GLIPR1L1: variants seen among roughly 807,000 people sequenced by gnomAD.
GLIPR1L1 encodes the protein GLIPR1 like 1.
GLIPR1L1 carries 26 observed loss-of-function variants against 29.9 expected under a neutral mutation model. The ratio of observed to expected loss-of-function variants is 0.87; its 90% CI spans 0.64 to 1.21. The LOEUF (loss-of-function observed/expected upper bound fraction) is 1.21. Ranked by LOEUF, GLIPR1L1 falls within the 50% of genes most tolerant of loss-of-function variation. The pLI is 0.00. For missense variants in GLIPR1L1, 305 were observed against 290.3 expected (o/e 1.05, Z -0.37); for synonymous variants, 77 against 97.5 (o/e 0.79, Z 1.24).
At chr12:75,364,698 A>G (rs1390115095) in intron 4 of GLIPR1L1, 1 of 152,248 alleles carries the variant, frequency 6.6e-6, no homozygotes, top group African/African-American at 2.4e-5. Flanking sequence ...TATAGCAATT[A>G]GCTACACAGA....
At chr12:75,344,309 G>C (rs1037427037) in intron 2 of GLIPR1L1, among the ~76,000 whole-genome samples, 2 of 151,890 alleles carry the variant, frequency 1.3e-5, no homozygotes, top group African/African-American at 4.8e-5. Flanking sequence ...TGATGCTCTT[G>C]TCTTTTTTCT....
chr12:75,358,621 T>C (rs975968464), intron 3 of GLIPR1L1, among the ~76,000 whole-genome samples: 1 of 150,396 alleles, frequency 6.6e-6, no homozygotes, highest in Non-Finnish European at 1.5e-5. Flanking sequence ...AAATTGTATG[T>C]AACATACCAG....
chr12:75,343,765 T>C lies in GLIPR1L1; in HGVS notation c.247T>C (p.Leu83=). ...GTGCAAATTTGAACATAATGACTGT[T>C]TGGATAAATCATATAAATGCTATGC... ...NQCKFEHNDC[L]DKSYKCYAAF... Residue 83 remains leucine, a synonymous_variant, in exon 2 of 6, where the codon TTG becomes CTG. Coordinates refer to ENST00000378695, the MANE Select transcript of GLIPR1L1 (RefSeq NM_001304964.2). 5 of 1,613,076 alleles carry C rather than the reference T, an allele frequency of 3.1e-6. No individual in the cohort carries two copies. Among genetic ancestry groups the C allele is most frequent in the Non-Finnish European group, 3.4e-6 (4 of 1,179,204 alleles).
At chr12:75,369,209 A>G (rs931593238) in intron 4 of GLIPR1L1, among the ~76,000 whole-genome samples, 1 of 151,964 alleles carries the variant, frequency 6.6e-6, no homozygotes, top group Non-Finnish European at 1.5e-5. Context: ...TAATTTTTCA[A>G]TACATTTTAG....
intron 2 of GLIPR1L1, among the ~76,000 whole-genome samples, chr12:75,345,846 G>A (rs2042406618): frequency 6.6e-6 from 1 of 152,080 alleles, no homozygotes; most frequent in Non-Finnish European, 1.5e-5. Context: ...AAAAAAAGCT[G>A]GTTCTCAAAT....
At chr12:75,352,193 T>C (rs2042860106) in intron 3 of GLIPR1L1, among the ~76,000 whole-genome samples, 1 of 152,168 alleles carries the variant, frequency 6.6e-6, no homozygotes, top group Admixed American at 6.5e-5. Context: ...AAAGGCCCCA[T>C]ATAAAAGGCA....
At chr12:75,363,946 T>C (rs2043792538) in intron 4 of GLIPR1L1, among the ~76,000 whole-genome samples, 1 of 152,168 alleles carries the variant, frequency 6.6e-6, no homozygotes, top group Non-Finnish European at 1.5e-5. Context: ...AAAGGCAGAT[T>C]CAAAGATGTT....
At chr12:75,344,661 G>A (rs1593697439) in intron 2 of GLIPR1L1, among the ~76,000 whole-genome samples, 1 of 151,958 alleles carries the variant, frequency 6.6e-6, no homozygotes, top group African/African-American at 2.4e-5. Flanking sequence ...ATCATATCAT[G>A]TTGGGTAAAT....
At chr12:75,351,518 T>G (rs1182626813) in intron 3 of GLIPR1L1, among the ~76,000 whole-genome samples, 2 of 151,398 alleles carry the variant, frequency 1.3e-5, no homozygotes, top group African/African-American at 4.9e-5. Context: ...CAGAAGAGAT[T>G]GGGAACAATA....
chr12:75,355,698 T>A (rs2043111762), intron 3 of GLIPR1L1, among the ~76,000 whole-genome samples: 2 of 152,254 alleles, frequency 1.3e-5, no homozygotes, highest in South Asian at 4.1e-4. Context: ...CGCAGCACTA[T>A]TTATAATAGC....
At chr12:75,355,076 G>A (rs542040137) in intron 3 of GLIPR1L1, among the ~76,000 whole-genome samples, 7 of 152,032 alleles carry the variant, frequency 4.6e-5, no homozygotes, top group South Asian at 4.2e-4. Flanking sequence ...ATGGGCAAAC[G>A]TTTCAAGACA....
chr12:75,363,139 G>T lies in GLIPR1L1; in HGVS notation c.559G>T (p.Glu187Ter). The T allele has an allele frequency of 6.4e-7, 1 of 1,560,396 alleles. No homozygotes were observed. Among genetic ancestry groups the T allele is most frequent in the Non-Finnish European group, 8.6e-7 (1 of 1,160,444 alleles). ...FANMPPYVRG[E>*]SCSLCSKEEK... is the part of the protein sequence containing the mutation. ...AAATATGCCTCCTTACGTAAGAGGA[G>T]AATCTTGCTCTCTCTGCTCAAAAGA... Residue 187 changes from glutamate to a stop codon, truncating the protein, a stop_gained, in exon 4 of 6, where the codon GAA becomes TAA. Transcript: ENST00000378695. LOFTEE classifies it high-confidence loss of function.
chr12:75,360,330 C>G (rs1325316536), intron 3 of GLIPR1L1: 2 of 152,152 alleles, frequency 1.3e-5, no homozygotes, highest in Non-Finnish European at 2.9e-5. Context: ...AGTCCATAAT[C>G]CAAAGTCTCA....
chr12:75,359,355 GTCTTTTTTTTTTT>G (rs1306914672), intron 3 of GLIPR1L1, among the ~76,000 whole-genome samples: 35 of 46,444 alleles, frequency 7.5e-4, no homozygotes, highest in African/African-American at 2.8e-3. Context: ...CAGCATTGTT[GTCTTTTTTTTTTT>G]TTTTTTTTTT....
At chr12:75,369,889 C>T in intron 4 of GLIPR1L1, 71 bp from the exon 5 acceptor site, 1 of 1,322,988 alleles carries the variant, frequency 7.6e-7, no homozygotes, top group South Asian at 1.8e-5. Flanking sequence ...ATTCTAAAAG[C>T]CATAAAAGCA....
At chr12:75,341,909 G>A (rs544510775) in intron 1 of GLIPR1L1, among the ~76,000 whole-genome samples, 2 of 151,960 alleles carry the variant, frequency 1.3e-5, no homozygotes, top group Admixed American at 1.3e-4. Flanking sequence ...CCCCACACCT[G>A]GCTGATTTTT....
At chr12:75,355,462 C>A (rs991637683) in intron 3 of GLIPR1L1, among the ~76,000 whole-genome samples, 4 of 152,048 alleles carry the variant, frequency 2.6e-5, no homozygotes, top group Non-Finnish European at 5.9e-5. Context: ...ATTAAAAAGT[C>A]CAGAAACAAC....
chr12:75,339,555 G>A (rs2041962794), intron 1 of GLIPR1L1, among the ~76,000 whole-genome samples: 1 of 152,116 alleles, frequency 6.6e-6, no homozygotes, highest in Non-Finnish European at 1.5e-5. Context: ...TGTTCACTCT[G>A]ATGATACTTT....
chr12:75,364,085 G>C (rs918226477), intron 4 of GLIPR1L1, among the ~76,000 whole-genome samples: 7 of 152,186 alleles, frequency 4.6e-5, no homozygotes, highest in Admixed American at 2.6e-4. Context: ...CAAGATATCA[G>C]GCTTCTGAGA....
Sources: gnomAD v4.1 joint callset for allele counts (sites outside exome capture counted in the v4.1 genomes callset) on GRCh38, gnomAD v4.1.1 for gene constraint, MANE v1.5 for transcripts, NCBI Gene and HGNC (gene_info 2026-07-23, HGNC 2026-07-21) for gene names.